Variants in TRPM1 observed in about 807,000 individuals in gnomAD.
TRPM1 encodes transient receptor potential cation channel subfamily M member 1, also known as TRPM1-203 APA Isoform, Intron 10.
A neutral mutation model predicts 149.4 loss-of-function variants in TRPM1; 113 were observed. The ratio of observed to expected loss-of-function variants is 0.76; its 90% confidence interval spans 0.65 to 0.88. The LOEUF is 0.88. Among genes scored for constraint, TRPM1 ranks in the 40% least tolerant of loss-of-function variants. The pLI is 0.00. For missense variants in TRPM1, 1,976 were observed against 2,038.7 expected (o/e 0.97, Z 0.59); for synonymous variants, 741 against 759.5 (o/e 0.98, Z 0.40).
rs769519331 is a variant in TRPM1, at chr15:31,149,728, C to G, written c.54+11178G>C. ...TAGAGACGGGGTTTCACCGTGTTAG[C>G]CAGGATGGTCTCGATCTCCTGACCT... On this transcript the variant is annotated intron_variant, in intron 1 of 26. Coordinates refer to the TRPM1 transcript ENST00000542188. Among the ~76,000 whole-genome samples, 5 of 152,064 alleles carry G rather than the reference C, an allele frequency of 3.3e-5. No homozygotes were observed. The South Asian group carries it at 6.2e-4, about 19-fold the overall frequency.
upstream of TRPM1, among the ~76,000 whole-genome samples, chr15:31,102,237 C>T (rs894105339): frequency 1.1e-4 from 16 of 152,204 alleles, no homozygotes; most frequent in African/African-American, 3.9e-4. Context: ...CTAATCCCTG[C>T]TCTCCCCCCT....
rs1466547591 is a variant in TRPM1 at position 31,002,394 on chromosome 15, G to T, written c.4306C>A (p.Pro1436Thr). The change falls in exon 28 of 28, where the codon CCC (proline) becomes ACC (threonine). Residue 1436 changes from proline (P) to threonine (T), a missense_variant. Physicochemically the swap from Pro to Thr is conservative, Grantham distance 38 (BLOSUM62 -1). Transcript: ENST00000256552. ...TTNIEGTISY[P>T]LEETKITRYF... is the part of the protein sequence containing the mutation. ...CGTGTAATTTTGGTTTCTTCCAGGG[G>T]ATAGGAAATAGTGCCTTCTATATTT... 1 of 1,614,252 alleles carries T rather than the reference G, an allele frequency of 6.2e-7. No homozygotes were observed. The highest frequency in any genetic ancestry group is 1.7e-5 in the Admixed American group (1 of 60,034).
intron 3 of TRPM1, 132 bp from the exon 4 acceptor site, chr15:31,070,358 T>C (rs1183798580): frequency 3.5e-6 from 3 of 858,028 alleles, no homozygotes; most frequent in African/African-American, 1.7e-5. Flanking sequence ...TAAGCCAGCG[T>C]TATTAGGGAC....
intron 23 of TRPM1, among the ~76,000 whole-genome samples, chr15:31,030,174 C>T (rs191781005): frequency 6.6e-6 from 1 of 152,294 alleles, no homozygotes; most frequent in African/African-American, 2.4e-5. Context: ...GCCCTACATT[C>T]CATATGAGAG....
rs190943383 is a variant in TRPM1, at chr15:31,047,308, A to C, written c.1624-57T>G. 1.5e-4 allele frequency: 238 copies of C among 1,605,850 alleles called. 1 individual carries two copies. In the African/African-American group the frequency reaches 2.7e-3, roughly 18 times the overall value. On this transcript the variant is annotated intron_variant, in intron 14 of 27. Transcript: ENST00000256552. The stretch of plus-strand genomic sequence containing the variant: ...AGAATGCGTTCGCAGTGTGGACTTC[A>C]TCACACGTCTAGGGGGTAAGTGGCT...
At chr15:31,064,135 C>T (rs993373905) in intron 7 of TRPM1, among the ~76,000 whole-genome samples, 15 of 152,206 alleles carry the variant, frequency 9.9e-5, no homozygotes, top group Admixed American at 7.2e-4. Flanking sequence ...CACAGTGCTT[C>T]CTTTAACTCC....
exon 1 of TRPM1, chr15:31,161,119 T>A (rs1334431956): frequency 1.4e-6 from 1 of 697,904 alleles, no homozygotes; most frequent in Non-Finnish European, 2.4e-6. Flanking sequence ...GGGGCCGAGA[T>A]CCTGGGGCGA....
intron 1 of TRPM1, among the ~76,000 whole-genome samples, chr15:31,088,663 AG>A (rs1322903837): frequency 2.6e-5 from 4 of 152,336 alleles, no homozygotes; most frequent in African/African-American, 9.6e-5. Flanking sequence ...CTCACGGACT[AG>A]GATGGGCATT....
chr15:31,088,106 T>G (rs916311062), intron 1 of TRPM1, among the ~76,000 whole-genome samples: 1 of 152,114 alleles, frequency 6.6e-6, no homozygotes, highest in African/African-American at 2.4e-5. Flanking sequence ...TTGGGGAACT[T>G]TTCTGTCTAG....
intron 3 of TRPM1, among the ~76,000 whole-genome samples, chr15:31,072,165 T>C (rs968869099): frequency 6.6e-6 from 1 of 151,802 alleles, no homozygotes; most frequent in African/African-American, 2.4e-5. Flanking sequence ...TTATCTTCCT[T>C]CTCACCACCA....
At chr15:31,046,991 C>G (rs1445344095) in intron 15 of TRPM1, 120 bp downstream of exon 15, 5 of 1,392,114 alleles carry the variant, frequency 3.6e-6, no homozygotes, top group Non-Finnish European at 5.1e-6. Context: ...GGAGGCAGGA[C>G]AGCTGTGCTG....
intron 1 of TRPM1, among the ~76,000 whole-genome samples, chr15:31,109,914 G>A (rs2035661954): frequency 6.6e-6 from 1 of 152,162 alleles, no homozygotes; most frequent in Admixed American, 6.5e-5. Flanking sequence ...GGGGACAGAG[G>A]GCAGGTGTGG....
intron 27 of TRPM1, among the ~76,000 whole-genome samples, chr15:31,005,123 A>ATAAATAAAT (rs1555415394): frequency 2.6e-5 from 4 of 151,314 alleles, no homozygotes; most frequent in Non-Finnish European, 4.4e-5. Flanking sequence ...AAATAAATAA[A>ATAAATAAAT]TAAATAAATA....
chr15:31,088,365 C>G (rs991743729), intron 1 of TRPM1, among the ~76,000 whole-genome samples: 2 of 152,158 alleles, frequency 1.3e-5, no homozygotes, highest in South Asian at 2.1e-4. Flanking sequence ...TCTTTTTGTT[C>G]TTTCTCCCTT....
intron 1 of TRPM1, among the ~76,000 whole-genome samples, chr15:31,136,028 C>T (rs1011291221): frequency 3.9e-5 from 6 of 152,114 alleles, no homozygotes; most frequent in African/African-American, 7.2e-5. Flanking sequence ...AATTTTAGTT[C>T]AGTAAAAACA....
chr15:31,041,001 C>T (rs2033597688), intron 17 of TRPM1, among the ~76,000 whole-genome samples: 1 of 152,080 alleles, frequency 6.6e-6, no homozygotes, highest in African/African-American at 2.4e-5. Context: ...AGGGCCCAGG[C>T]CAGAGGGCGT....
chr15:31,096,874 C>G (rs534393084), intron 1 of TRPM1, among the ~76,000 whole-genome samples: 3 of 152,168 alleles, frequency 2.0e-5, no homozygotes, highest in African/African-American at 4.8e-5. Flanking sequence ...AGCCTCCTGG[C>G]CCTCAGGGAC....
intron 1 of TRPM1, among the ~76,000 whole-genome samples, chr15:31,109,097 G>A (rs1339018100): frequency 6.6e-6 from 1 of 152,000 alleles, no homozygotes; most frequent in Non-Finnish European, 1.5e-5. Context: ...TGAAATACAA[G>A]GCAGACTATA....
chr15:31,011,881 C>A (rs1282087814), intron 27 of TRPM1, among the ~76,000 whole-genome samples: 1 of 152,154 alleles, frequency 6.6e-6, no homozygotes, highest in Non-Finnish European at 1.5e-5. Context: ...CCAGGCTGGT[C>A]TTGAACTCTC....
Sources: gnomAD v4.1 joint callset for allele counts (sites outside exome capture counted in the v4.1 genomes callset) on GRCh38, gnomAD v4.1.1 for gene constraint, MANE v1.5 for transcripts, NCBI Gene and HGNC (gene_info 2026-07-23, HGNC 2026-07-21) for gene names.